DEPDC1B: variants seen among roughly 807,000 people sequenced by gnomAD.
The protein encoded by DEPDC1B is DEP domain containing 1B.
DEPDC1B carries 51 observed loss-of-function variants against 66.5 expected under a neutral mutation model. That is an observed-to-expected ratio of 0.77 (90% CI 0.61 to 0.97). The LOEUF is 0.97. DEPDC1B is among the 50% of genes least tolerant of loss of function. The pLI is 0.00. For synonymous variants in DEPDC1B, 226 were observed against 223.6 expected (o/e 1.01, Z -0.10); for missense variants, 552 against 637.1 (o/e 0.87, Z 1.44).
chr5:60,668,827 A>G (rs2111978480), intron 2 of DEPDC1B, among the ~76,000 whole-genome samples: 1 of 152,354 alleles, frequency 6.6e-6, no homozygotes, highest in Non-Finnish European at 1.5e-5. Context: ...ATTAGCATAC[A>G]TTCTTTTATG....
At position 60,599,271 on chromosome 5, in the gene DEPDC1B, A is replaced by C; in HGVS notation, c.1243-11T>G. On this transcript the variant is annotated splice_polypyrimidine_tract_variant and intron_variant, in intron 9 of 10. Coordinates refer to ENST00000265036, the MANE Select transcript of DEPDC1B (RefSeq NM_018369.3). ...TCCTGGGTATTTTATCTGAGGCAAA[A>C]GGATTAGTAGTGAAAGAATATAGCA... is the stretch of plus-strand genomic sequence containing the variant. 2 of 1,568,902 alleles carry C rather than the reference A, an allele frequency of 1.3e-6. No individual in the cohort carries two copies. The highest frequency in any genetic ancestry group is 1.7e-6 in the Non-Finnish European group (2 of 1,162,930).
intron 6 of DEPDC1B, 48 bp from the exon 7 acceptor site, chr5:60,638,938 C>G: frequency 1.3e-6 from 2 of 1,588,850 alleles, no homozygotes; most frequent in Non-Finnish European, 1.7e-6. Context: ...GAGTAATTAC[C>G]TCTAAGTATT....
At chr5:60,684,114 T>G (rs1346814550) in intron 2 of DEPDC1B, among the ~76,000 whole-genome samples, 1 of 151,800 alleles carries the variant, frequency 6.6e-6, no homozygotes. Context: ...CACAAAAAAA[T>G]GGAAAGACAT....
At chr5:60,662,665 A>C (rs1753747744) in intron 2 of DEPDC1B, among the ~76,000 whole-genome samples, 1 of 152,176 alleles carries the variant, frequency 6.6e-6, no homozygotes, top group African/African-American at 2.4e-5. Context: ...CCGAATAAAA[A>C]TAAGCTGCCC....
chr5:60,604,744 C>A (rs1393949964), intron 8 of DEPDC1B, among the ~76,000 whole-genome samples: 2 of 152,044 alleles, frequency 1.3e-5, no homozygotes, highest in African/African-American at 4.8e-5. Flanking sequence ...GACCATGGAC[C>A]CCAGGGACTC....
chr5:60,698,087 T>G (rs957036698), intron 1 of DEPDC1B, among the ~76,000 whole-genome samples: 3 of 152,182 alleles, frequency 2.0e-5, no homozygotes, highest in Non-Finnish European at 4.4e-5. Context: ...AACCACAGCC[T>G]TGCTATGTTT....
At chr5:60,621,447 A>G (rs1752699184) in intron 7 of DEPDC1B, among the ~76,000 whole-genome samples, 1 of 152,086 alleles carries the variant, frequency 6.6e-6, no homozygotes, top group East Asian at 1.9e-4. Context: ...CGCAGGGACA[A>G]AAAACCAAAC....
intron 7 of DEPDC1B, among the ~76,000 whole-genome samples, chr5:60,629,966 T>C (rs1752887660): frequency 1.3e-5 from 2 of 152,224 alleles, no homozygotes; most frequent in Admixed American, 1.3e-4. Context: ...CAGAATCATT[T>C]TCCTCTATGT....
chr5:60,669,388 A>T lies in DEPDC1B; in HGVS notation c.314+17574T>A, dbSNP rs369836128. On this transcript the variant is annotated intron_variant, in intron 2 of 10. Coordinates refer to ENST00000265036, the MANE Select transcript of DEPDC1B (RefSeq NM_018369.3). ...GCCTCCTTGCCTTACTAACTTACAG[A>T]CTTTGTACCCAAAAACAAAAAGCAA... Among the ~76,000 whole-genome samples the T allele has an allele frequency of 1.9e-4, 29 of 152,296 alleles. No homozygotes were observed. In the East Asian group the frequency reaches 5.4e-3, roughly 28 times the overall value.
chr5:60,636,654 T>G (rs556368590), intron 7 of DEPDC1B, among the ~76,000 whole-genome samples: 3 of 152,268 alleles, frequency 2.0e-5, no homozygotes, highest in African/African-American at 7.2e-5. Flanking sequence ...ACAGATAAAC[T>G]GTGGTCTTCC....
At chr5:60,616,251 G>A (rs1473072289) in intron 7 of DEPDC1B, among the ~76,000 whole-genome samples, 1 of 152,136 alleles carries the variant, frequency 6.6e-6, no homozygotes, top group African/African-American at 2.4e-5. Context: ...TCCTCCAAAG[G>A]AACGCAGCTC....
intron 7 of DEPDC1B, among the ~76,000 whole-genome samples, chr5:60,619,145 AATAAG>A (rs1356466548): frequency 1.3e-5 from 2 of 152,206 alleles, no homozygotes; most frequent in African/African-American, 4.8e-5. Flanking sequence ...ATCTCCAAAT[AATAAG>A]AGCTATTTAT....
intron 7 of DEPDC1B, among the ~76,000 whole-genome samples, chr5:60,637,808 T>C (rs1288058244): frequency 6.6e-6 from 1 of 152,250 alleles, no homozygotes; most frequent in East Asian, 1.9e-4. Context: ...TTTGTTATTA[T>C]CAGGAAATCT....
intron 2 of DEPDC1B, among the ~76,000 whole-genome samples, chr5:60,651,055 A>G (rs1753439463): frequency 6.6e-6 from 1 of 152,212 alleles, no homozygotes; most frequent in African/African-American, 2.4e-5. Context: ...ATACCTAAGC[A>G]ACAGGAAGAG....
chr5:60,662,364 G>T (rs1394052581), intron 2 of DEPDC1B, among the ~76,000 whole-genome samples: 1 of 152,040 alleles, frequency 6.6e-6, no homozygotes, highest in East Asian at 1.9e-4. Flanking sequence ...CTCCAGCCTG[G>T]GCAACAGAGT....
intron 1 of DEPDC1B, among the ~76,000 whole-genome samples, chr5:60,697,841 G>A (rs1341431064): frequency 3.9e-5 from 6 of 152,126 alleles, no homozygotes; most frequent in Non-Finnish European, 7.4e-5. Context: ...AATATTATTT[G>A]TTAGGGACTG....
At chr5:60,612,898 T>C (rs534830340) in intron 7 of DEPDC1B, among the ~76,000 whole-genome samples, 18 of 152,312 alleles carry the variant, frequency 1.2e-4, no homozygotes, top group African/African-American at 3.8e-4. Flanking sequence ...GTTTCCATCA[T>C]TGCCACAAAT....
intron 2 of DEPDC1B, among the ~76,000 whole-genome samples, chr5:60,685,234 C>T (rs1314971840): frequency 1.3e-5 from 2 of 152,128 alleles, no homozygotes; most frequent in Non-Finnish European, 2.9e-5. Flanking sequence ...CTCATTAGCT[C>T]ACTCTCAATT....
intron 2 of DEPDC1B, among the ~76,000 whole-genome samples, chr5:60,676,694 C>A (rs973911339): frequency 5.3e-5 from 8 of 152,124 alleles, no homozygotes; most frequent in African/African-American, 1.7e-4. Context: ...CCAGATCCTG[C>A]ACTGTTTAGC....
Sources: gnomAD v4.1 joint callset for allele counts (sites outside exome capture counted in the v4.1 genomes callset) on GRCh38, gnomAD v4.1.1 for gene constraint, MANE v1.5 for transcripts, NCBI Gene and HGNC (gene_info 2026-07-23, HGNC 2026-07-21) for gene names.